The following DPP10 variants were observed in gnomAD, a reference collection of about 807,000 sequenced individuals.
DPP10 encodes the protein dipeptidyl peptidase like 10, also known as inactive dipeptidyl peptidase 10.
Under a neutral mutation model 120.9 loss-of-function variants are expected in DPP10, and 33 were observed. The observed-to-expected ratio is 0.27, with a 90% confidence interval of 0.21 to 0.37. DPP10 has a LOEUF of 0.37. Ranked by LOEUF, DPP10 falls within the 10% of genes least tolerant of loss-of-function variation. The pLI, the probability that DPP10 is intolerant of heterozygous loss-of-function variation, is 1.00. For synonymous variants in DPP10, 337 were observed against 326.1 expected (o/e 1.03, Z -0.36); for missense variants, 816 against 942.8 (o/e 0.87, Z 1.76).
At chr2:114,963,130 G>C (rs993748935) in intron 1 of DPP10, among the ~76,000 whole-genome samples, 1 of 152,080 alleles carries the variant, frequency 6.6e-6, no homozygotes, top group African/African-American at 2.4e-5. Flanking sequence ...ACTTATACAC[G>C]AGGACAGTAT....
intron 21 of DPP10, among the ~76,000 whole-genome samples, chr2:115,827,271 G>A (rs1688411230): frequency 6.9e-6 from 1 of 145,428 alleles, no homozygotes; most frequent in African/African-American, 2.6e-5. Flanking sequence ...CAGTATTTAT[G>A]TATGTATACA....
chr2:114,549,663 C>CAAA (rs869226518), intron 1 of DPP10, among the ~76,000 whole-genome samples: 464 of 76,006 alleles, frequency 6.1e-3, no homozygotes, highest in Non-Finnish European at 6.7e-3. Flanking sequence ...TGTGTGTCAA[C>CAAA]AAAAAAAAAA....
At chr2:115,526,184 C>T in intron 5 of DPP10, 1 of 480,976 alleles carries the variant, frequency 2.1e-6, no homozygotes, top group Non-Finnish European at 3.7e-6. Flanking sequence ...ACAGTTTGCC[C>T]AGTGCCTGTG....
chr2:115,325,975 T>C (rs554200684), intron 2 of DPP10, among the ~76,000 whole-genome samples: 1 of 152,254 alleles, frequency 6.6e-6, no homozygotes, highest in East Asian at 1.9e-4. Flanking sequence ...GAAAACTAGA[T>C]AAGTGCTAGA....
intron 3 of DPP10, among the ~76,000 whole-genome samples, chr2:115,441,601 A>G (rs1233281020): frequency 6.6e-6 from 1 of 152,160 alleles, no homozygotes; most frequent in African/African-American, 2.4e-5. Flanking sequence ...ACAATGTTTA[A>G]TACGGTAGCC....
chr2:115,412,788 A>G (rs1399371128), intron 3 of DPP10, among the ~76,000 whole-genome samples: 1 of 152,096 alleles, frequency 6.6e-6, no homozygotes, highest in Non-Finnish European at 1.5e-5. Context: ...TTTAACTCTT[A>G]CTGAGAGGGA....
chr2:114,566,264 T>C (rs1194397692), intron 1 of DPP10, among the ~76,000 whole-genome samples: 2 of 152,138 alleles, frequency 1.3e-5, no homozygotes, highest in African/African-American at 2.4e-5. Flanking sequence ...AGCTCAGCCA[T>C]ATTAACGACT....
At chr2:114,517,521 CAA>C (rs70937285) in intron 1 of DPP10, among the ~76,000 whole-genome samples, 14,160 of 123,846 alleles carry the variant, frequency 0.11, 648 homozygotes, top group South Asian at 0.21. Context: ...GACTCCGTCT[CAA>C]AAAAAAAAAA....
chr2:115,836,386 T>G, intron 22 of DPP10, 121 bp from the exon 23 acceptor site: 3 of 1,405,584 alleles, frequency 2.1e-6, no homozygotes, highest in Non-Finnish European at 2.0e-6. Flanking sequence ...GTTTATCTCC[T>G]CCTTGATTCA....
chr2:115,134,947 G>C (rs186145188), intron 1 of DPP10, among the ~76,000 whole-genome samples: 1 of 152,092 alleles, frequency 6.6e-6, no homozygotes, highest in African/African-American at 2.4e-5. Context: ...GGGAGGGAAC[G>C]TTCCACACTG....
chr2:115,334,591 C>T (rs2063006353), intron 2 of DPP10, among the ~76,000 whole-genome samples: 1 of 151,698 alleles, frequency 6.6e-6, no homozygotes. Flanking sequence ...CTATATTTTT[C>T]CAATAACTAT....
intron 1 of DPP10, among the ~76,000 whole-genome samples, chr2:115,236,678 C>T (rs949246980): frequency 2.0e-5 from 3 of 152,174 alleles, no homozygotes; most frequent in Non-Finnish European, 4.4e-5. Context: ...CTGCCTTTTT[C>T]TATCCTATGA....
At chr2:114,700,204 G>T (rs1358922786) in intron 1 of DPP10, among the ~76,000 whole-genome samples, 1 of 152,000 alleles carries the variant, frequency 6.6e-6, no homozygotes, top group East Asian at 1.9e-4. Context: ...TCCAGGCAGG[G>T]GGGAAAGCAA....
At chr2:114,744,064 C>T (rs988257728) in intron 1 of DPP10, among the ~76,000 whole-genome samples, 1 of 152,088 alleles carries the variant, frequency 6.6e-6, no homozygotes, top group South Asian at 2.1e-4. Flanking sequence ...TGATATTTAA[C>T]CAAGCAGAGT....
chr2:114,704,289 A>G (rs2105831614), intron 1 of DPP10, among the ~76,000 whole-genome samples: 1 of 152,234 alleles, frequency 6.6e-6, no homozygotes, highest in Non-Finnish European at 1.5e-5. Flanking sequence ...GGCCTGAAAT[A>G]AGATAGATTG....
chr2:114,981,972 A>T lies in DPP10; in HGVS notation c.61-327267A>T, dbSNP rs113793077. Among the ~76,000 whole-genome samples the T allele has an allele frequency of 5.9e-3, 890 of 150,896 alleles. 10 individuals are homozygous for T. The highest frequency in any genetic ancestry group is 0.034 in the Middle Eastern group (10 of 292). ...GCAGTGGCCCGGATCTCAGCTCACT[A>T]CAACTTCCACCTCCTGGGTTCAAGT... On this transcript the variant is annotated intron_variant, in intron 1 of 25. Transcript: ENST00000410059.
chr2:115,486,724 T>C (rs1458757789), intron 3 of DPP10, among the ~76,000 whole-genome samples: 4 of 152,176 alleles, frequency 2.6e-5, no homozygotes, highest in African/African-American at 9.6e-5. Flanking sequence ...GGAAAATATA[T>C]TTAAAATTCT....
intron 1 of DPP10, among the ~76,000 whole-genome samples, chr2:114,726,096 C>T (rs908317609): frequency 6.6e-6 from 1 of 151,908 alleles, no homozygotes; most frequent in Non-Finnish European, 1.5e-5. Context: ...TTTAGCTGGG[C>T]ATAGTGGTGG....
chr2:115,090,688 G>A (rs1489599022), intron 1 of DPP10, among the ~76,000 whole-genome samples: 4 of 47,340 alleles, frequency 8.4e-5, no homozygotes, highest in Non-Finnish European at 2.8e-4. Flanking sequence ...GTTTCTGGAC[G>A]ATTTTTTTGG....
Sources: allele counts gnomAD v4.1 joint callset (sites outside exome capture counted in the v4.1 genomes callset), GRCh38; gene constraint gnomAD v4.1.1; transcripts MANE v1.5; gene names NCBI Gene and HGNC (gene_info 2026-07-23, HGNC 2026-07-21).